Variants in PPP2R5C observed in about 807,000 individuals in gnomAD.
The protein encoded by PPP2R5C is serine/threonine-protein phosphatase 2A 56 kDa regulatory subunit gamma isoform.
In PPP2R5C, 7 loss-of-function variants were observed where a neutral mutation model predicts 68.9. That is an observed-to-expected ratio of 0.10 (90% CI 0.06 to 0.19). The LOEUF (loss-of-function observed/expected upper bound fraction) is 0.19. Among genes scored for constraint, PPP2R5C ranks in the 10% least tolerant of loss-of-function variants. The pLI is 1.00. For synonymous variants in PPP2R5C, 210 were observed against 222.2 expected, an observed-to-expected ratio of 0.95 and a Z score of 0.49; for missense variants, 348 against 641.3, an observed-to-expected ratio of 0.54 and a Z score of 4.94.
At chr14:101,784,123 G>A (rs1395009726) in intron 2 of PPP2R5C, among the ~76,000 whole-genome samples, 1 of 152,324 alleles carries the variant, frequency 6.6e-6, no homozygotes, top group East Asian at 1.9e-4. Flanking sequence ...CAGGTCAGAG[G>A]CTGCCTGCTG....
At chr14:101,907,736 G>A (rs908811787) in intron 10 of PPP2R5C, among the ~76,000 whole-genome samples, 3 of 152,188 alleles carry the variant, frequency 2.0e-5, no homozygotes, top group African/African-American at 7.2e-5. Context: ...AACTCGCAGT[G>A]TCTATTGGGC....
intron 9 of PPP2R5C, among the ~76,000 whole-genome samples, chr14:101,903,039 A>G (rs1447292605): frequency 6.8e-6 from 1 of 145,998 alleles, no homozygotes; most frequent in African/African-American, 2.6e-5. Flanking sequence ...TTTTTCATCA[A>G]TCCTGGCCTA....
chr14:101,836,112 C>G (rs2041078057), intron 1 of PPP2R5C: 2 of 658,946 alleles, frequency 3.0e-6, no homozygotes, highest in South Asian at 3.2e-5. Context: ...AATCCACAAG[C>G]AACAATAAAT....
chr14:101,827,286 T>C (rs1225488041), intron 1 of PPP2R5C, among the ~76,000 whole-genome samples: 2 of 152,126 alleles, frequency 1.3e-5, no homozygotes, highest in Non-Finnish European at 2.9e-5. Flanking sequence ...TTGTTTAACA[T>C]TTTTCAGCTG....
chr14:101,829,271 A>G (rs2040588444), intron 1 of PPP2R5C, among the ~76,000 whole-genome samples: 1 of 152,200 alleles, frequency 6.6e-6, no homozygotes, highest in Non-Finnish European at 1.5e-5. Flanking sequence ...AGCATCCTGT[A>G]TTATGTGTAA....
intron 1 of PPP2R5C, among the ~76,000 whole-genome samples, chr14:101,822,035 G>A (rs2040103924): frequency 6.6e-6 from 1 of 151,484 alleles, no homozygotes; most frequent in Non-Finnish European, 1.5e-5. Context: ...TGTTGAAAAC[G>A]TTGAGGTCTT....
At chr14:101,806,380 T>A (rs2039079469), upstream of PPP2R5C, among the ~76,000 whole-genome samples, 1 of 152,142 alleles carries the variant, frequency 6.6e-6, no homozygotes, top group African/African-American at 2.4e-5. Flanking sequence ...TGTTCCTGTG[T>A]TACTTTGCTG....
At chr14:101,883,697 G>A (rs2044301096) in intron 5 of PPP2R5C, 135 bp downstream of exon 7, 1 of 1,204,720 alleles carries the variant, frequency 8.3e-7, no homozygotes, top group African/African-American at 1.6e-5. Context: ...TTTGTCATGT[G>A]CAGGTGGACC....
chr14:101,869,161 T>G (rs2043248999), intron 2 of PPP2R5C, among the ~76,000 whole-genome samples: 1 of 152,248 alleles, frequency 6.6e-6, no homozygotes, highest in Non-Finnish European at 1.5e-5. Context: ...CATTTTGTCT[T>G]TTCCAGAATG....
chr14:101,843,620 T>C (rs2041636699), intron 1 of PPP2R5C: 1 of 164,194 alleles, frequency 6.1e-6, no homozygotes, highest in African/African-American at 2.4e-5. Flanking sequence ...TTGACATTGG[T>C]GACTTGGAGT....
Position 101,797,613 on chromosome 14 carries a change from C to G in PPP2R5C, c.259+11430C>G, listed in dbSNP as rs2038675785. On this transcript the variant is annotated intron_variant, in intron 3 of 14. Transcript: ENST00000328724. This position sits in a 1 kb window ranked among gnomAD's most constrained non-coding sequence, Gnocchi z 4.2. ...TCGGATTTCCTCTTGGAAAATGAGG[C>G]TCCTGACTCACTTGACCTACTGCGT... 4.1e-6 allele frequency: 1 copy of G among 241,146 alleles called. No individual in the cohort carries two copies. The highest frequency in any genetic ancestry group is 2.2e-5 in the African/African-American group (1 of 44,562). The allele number at this position is 241,146 out of a possible 1,614,324, so 14.9% of individuals were successfully genotyped here. A position where few individuals can be genotyped will look rare whatever the true frequency, so the allele number is the denominator to read the frequency against.
intron 1 of PPP2R5C, among the ~76,000 whole-genome samples, chr14:101,846,688 C>T (rs185610207): frequency 1.3e-5 from 2 of 152,152 alleles, no homozygotes; most frequent in Non-Finnish European, 2.9e-5. Flanking sequence ...GGCTGGCAGG[C>T]CTGTACCGGG....
intron 2 of PPP2R5C, among the ~76,000 whole-genome samples, chr14:101,876,324 T>C (rs1487051776): frequency 1.3e-5 from 2 of 152,140 alleles, no homozygotes; most frequent in Non-Finnish European, 2.9e-5. Context: ...AAACAGAGAA[T>C]AAATAACAGA....
intron 8 of PPP2R5C, among the ~76,000 whole-genome samples, chr14:101,897,300 T>A (rs568211160): frequency 7.2e-5 from 11 of 152,226 alleles, no homozygotes; most frequent in Non-Finnish European, 1.5e-4. Flanking sequence ...ATAAAACTCA[T>A]TGGGGATTTT....
At chr14:101,824,183 T>TA in intron 1 of PPP2R5C, 1 of 1,257,554 alleles carries the variant, frequency 8.0e-7, no homozygotes, top group East Asian at 5.7e-5. Context: ...AACGTAAACT[T>TA]ACTATTGGTA....
intron 1 of PPP2R5C, chr14:101,818,159 A>T (rs1216850910): frequency 6.6e-6 from 1 of 152,194 alleles, no homozygotes; most frequent in African/African-American, 2.4e-5. Context: ...TCCTAAGCAC[A>T]TGTCCACGGC....
chr14:101,856,719 T>C (rs1566911196), exon 2 of PPP2R5C: 1 of 1,614,168 alleles, frequency 6.2e-7, no homozygotes, highest in Non-Finnish European at 8.5e-7. Flanking sequence ...AAGCTTTTTA[T>C]CCAGAAGTTA....
At chr14:101,790,941 A>C (rs1360533574) in intron 3 of PPP2R5C, among the ~76,000 whole-genome samples, 1 of 152,160 alleles carries the variant, frequency 6.6e-6, no homozygotes, top group Non-Finnish European at 1.5e-5. Flanking sequence ...TCAGCTGAGC[A>C]TGGTGGCACT....
chr14:101,789,032 T>C (rs991060217), intron 3 of PPP2R5C, among the ~76,000 whole-genome samples: 1 of 152,240 alleles, frequency 6.6e-6, no homozygotes, highest in Non-Finnish European at 1.5e-5. Context: ...GTTAATCTCA[T>C]GCAGAGCTAT....
Sources: gnomAD v4.1 joint callset for allele counts (sites outside exome capture counted in the v4.1 genomes callset) on GRCh38, gnomAD v4.1.1 for gene constraint, Gnocchi (gnomAD v3.1) non-coding constraint, MANE v1.5 for transcripts, NCBI Gene and HGNC (gene_info 2026-07-23, HGNC 2026-07-21) for gene names.